The following ELP4 variants were observed in gnomAD, a reference collection of about 807,000 sequenced individuals.
The protein encoded by ELP4 is elongator complex protein 4.
Under a neutral mutation model 48.9 loss-of-function variants are expected in ELP4, and 51 were observed. The observed-to-expected ratio is 1.04, with a 90% CI of 0.83 to 1.32. The LOEUF (loss-of-function observed/expected upper bound fraction) is 1.32, where lower values mean the gene tolerates loss of function less well. Ranked by LOEUF, ELP4 falls within the 40% of genes most tolerant of loss-of-function variation. The pLI is 0.00. For synonymous variants in ELP4, 210 were observed against 189.2 expected, an observed-to-expected ratio of 1.11 and a Z score of -0.90; for missense variants, 519 against 514.6, an observed-to-expected ratio of 1.01 and a Z score of -0.08.
chr11:31,699,114 G>A (rs1946469384), intron 9 of ELP4, among the ~76,000 whole-genome samples: 1 of 152,144 alleles, frequency 6.6e-6, no homozygotes, highest in Non-Finnish European at 1.5e-5. Flanking sequence ...GAGCCTAGAA[G>A]CAATGACAAC....
At chr11:31,641,843 C>T (rs890817767) in intron 7 of ELP4, among the ~76,000 whole-genome samples, 1 of 151,906 alleles carries the variant, frequency 6.6e-6, no homozygotes, top group Non-Finnish European at 1.5e-5. Context: ...GTATCTTTAA[C>T]CTGCTACTGC....
At chr11:31,575,002 A>G (rs1003392566) in intron 3 of ELP4, among the ~76,000 whole-genome samples, 1 of 152,250 alleles carries the variant, frequency 6.6e-6, no homozygotes, top group African/African-American at 2.4e-5. Context: ...AAGCTAAAGA[A>G]GGATATTCGA....
intron 5 of ELP4, among the ~76,000 whole-genome samples, chr11:31,611,293 A>C (rs1957973498): frequency 6.6e-6 from 1 of 152,200 alleles, no homozygotes; most frequent in African/African-American, 2.4e-5. Flanking sequence ...CAAGGCACTG[A>C]ATTTTAATTT....
At chr11:31,515,089 T>C (rs1017721410) in intron 1 of ELP4, among the ~76,000 whole-genome samples, 5 of 148,732 alleles carry the variant, frequency 3.4e-5, no homozygotes, top group African/African-American at 4.9e-5. Flanking sequence ...TTAAAACACA[T>C]AGAGTAAAAG....
At chr11:31,714,948 C>G (rs923966482) in intron 9 of ELP4, 54 of 396,316 alleles carry the variant, frequency 1.4e-4, no homozygotes, top group African/African-American at 9.3e-4. Flanking sequence ...TTCCTCTTTG[C>G]CATGTAAGGT....
At chr11:31,711,089 G>T (rs1466307021) in intron 9 of ELP4, among the ~76,000 whole-genome samples, 1 of 152,202 alleles carries the variant, frequency 6.6e-6, no homozygotes, top group African/African-American at 2.4e-5. Context: ...GTAAATATGA[G>T]ACTCTGTTAC....
At chr11:31,525,520 G>A (rs1208493095) in intron 2 of ELP4, among the ~76,000 whole-genome samples, 1 of 152,118 alleles carries the variant, frequency 6.6e-6, no homozygotes, top group African/African-American at 2.4e-5. Context: ...AAAAAAAATT[G>A]CTCATATGGA....
At chr11:31,694,524 C>A (rs1026703942) in intron 9 of ELP4, among the ~76,000 whole-genome samples, 1 of 152,034 alleles carries the variant, frequency 6.6e-6, no homozygotes, top group Non-Finnish European at 1.5e-5. Flanking sequence ...TGGTCTATAT[C>A]TCTGTTTTGG....
chr11:31,773,008 T>C (rs1371115905), intron 9 of ELP4, among the ~76,000 whole-genome samples: 1 of 152,234 alleles, frequency 6.6e-6, no homozygotes, highest in Non-Finnish European at 1.5e-5. Context: ...CCTTGTCTGT[T>C]ATCAGCCCTG....
chr11:31,565,664 G>T (rs1336950542), intron 3 of ELP4, among the ~76,000 whole-genome samples: 2 of 149,214 alleles, frequency 1.3e-5, no homozygotes, highest in Non-Finnish European at 2.9e-5. Flanking sequence ...TGTCAGGTTT[G>T]TGAAAGATCA....
chr11:31,753,694 A>G (rs755987540), intron 9 of ELP4, among the ~76,000 whole-genome samples: 1 of 152,250 alleles, frequency 6.6e-6, no homozygotes, highest in East Asian at 1.9e-4. Context: ...AATGTTGAAT[A>G]TAGCATTTTT....
rs200391530 is a variant in ELP4, at chr11:31,789,577, TAA to T, written c.*6066_*6067del. ...AGCTTGTTGATCATGGTTTTCTTTT[TAA>T]AAAAAAAAAAAACAACTTCATGACC... is the stretch of plus-strand genomic sequence containing the variant. On this transcript the variant is annotated 3_prime_UTR_variant, in exon 10 of 10. Coordinates refer to ENST00000640961, the MANE Select transcript of ELP4 (RefSeq NM_019040.5). 3.0e-4 allele frequency: 147 copies of T among 491,686 alleles called. No homozygotes were observed. The highest frequency in any genetic ancestry group is 6.7e-4 in the South Asian group (25 of 37,200). 30.5% of individuals were successfully genotyped at this position (491,686 alleles called of 1,614,324 possible).
At chr11:31,524,755 C>A (rs753826030) in intron 2 of ELP4, among the ~76,000 whole-genome samples, 16 of 152,234 alleles carry the variant, frequency 1.1e-4, no homozygotes, top group Admixed American at 5.2e-4. Context: ...CTATATTATT[C>A]TTCTACATCA....
At chr11:31,736,205 G>A (rs1355735497) in intron 9 of ELP4, among the ~76,000 whole-genome samples, 1 of 152,158 alleles carries the variant, frequency 6.6e-6, no homozygotes, top group African/African-American at 2.4e-5. Flanking sequence ...TGACAAACCT[G>A]AGAAAAACAA....
chr11:31,551,837 G>A (rs1248577661), intron 3 of ELP4, among the ~76,000 whole-genome samples: 4 of 151,932 alleles, frequency 2.6e-5, no homozygotes, highest in East Asian at 1.9e-4. Flanking sequence ...ATGAAATAAC[G>A]GTGACACTTG....
intron 9 of ELP4, among the ~76,000 whole-genome samples, chr11:31,728,471 T>C (rs923106089): frequency 2.6e-5 from 4 of 152,172 alleles, no homozygotes; most frequent in African/African-American, 9.6e-5. Flanking sequence ...ATAAATGTTT[T>C]AGGGAAGTAA....
intron 9 of ELP4, among the ~76,000 whole-genome samples, chr11:31,687,179 A>G (rs1946178816): frequency 6.6e-6 from 1 of 152,210 alleles, no homozygotes; most frequent in South Asian, 2.1e-4. Context: ...CATGTAGAAT[A>G]GGACATATAG....
At chr11:31,739,547 A>C (rs748449863) in intron 9 of ELP4, among the ~76,000 whole-genome samples, 7 of 152,158 alleles carry the variant, frequency 4.6e-5, no homozygotes, top group Non-Finnish European at 1.0e-4. Context: ...AAAAACTTTA[A>C]AGTACAATCT....
chr11:31,558,453 T>C (rs1419780466), intron 3 of ELP4, among the ~76,000 whole-genome samples: 1 of 152,212 alleles, frequency 6.6e-6, no homozygotes, highest in Non-Finnish European at 1.5e-5. Flanking sequence ...TTAGCATTGA[T>C]GTTTATTCAT....
Sources: gnomAD v4.1 joint callset for allele counts (sites outside exome capture counted in the v4.1 genomes callset) on GRCh38, gnomAD v4.1.1 for gene constraint, MANE v1.5 for transcripts, NCBI Gene and HGNC (gene_info 2026-07-23, HGNC 2026-07-21) for gene names.